SLCO2A1: variants seen among roughly 807,000 people sequenced by gnomAD.
SLCO2A1 encodes the protein solute carrier organic anion transporter family member 2A1, also known as matrin F/G 1.
In SLCO2A1, 60 loss-of-function variants were observed where a neutral mutation model predicts 71.7. That is an observed-to-expected ratio of 0.84 (90% CI 0.68 to 1.04). SLCO2A1 has a LOEUF of 1.04. Ranked by LOEUF, SLCO2A1 falls within the 50% of genes least tolerant of loss-of-function variation. The pLI is 0.00. For missense variants in SLCO2A1, 745 were observed against 813.4 expected (o/e 0.92, Z 1.02); for synonymous variants, 308 against 326.7 (o/e 0.94, Z 0.62).
At position 133,942,624 on chromosome 3, in the gene SLCO2A1, G is replaced by A; in HGVS notation, c.1606C>T (p.Leu536Phe). ...SLIACISHNPLYMMVLRVVNQ... is the reference protein window; with the variant it reads ...SLIACISHNPFYMMVLRVVNQ... ...ACTCACCGCAGAACCATCATGTAGA[G>A]GGGGTTGTGGGAGATGCAGGCTATC... The change falls in exon 11 of 14, where the codon CTC becomes TTC. Residue 536 changes from leucine to phenylalanine, a missense_variant. By Grantham distance (22) the Leu-to-Phe change is conservative. Transcript: ENST00000310926. The A allele has an allele frequency of 6.2e-7, 1 of 1,613,268 alleles. No individual in the cohort carries two copies. Among genetic ancestry groups the A allele is most frequent in the Admixed American group, 1.7e-5 (1 of 59,942 alleles).
Sources: gnomAD v4.1 joint callset for allele counts on GRCh38, gnomAD v4.1.1 for gene constraint, MANE v1.5 for transcripts, NCBI Gene and HGNC (gene_info 2026-07-23, HGNC 2026-07-21) for gene names.